Variants in ZNF362 observed in about 807,000 individuals in gnomAD.
The protein encoded by ZNF362 is zinc finger protein 362, also known as rotund homolog.
A neutral mutation model predicts 42.9 loss-of-function variants in ZNF362; 11 were observed. The observed-to-expected ratio is 0.26, with a 90% CI of 0.16 to 0.42. The LOEUF (loss-of-function observed/expected upper bound fraction) is 0.42, where lower values mean the gene tolerates loss of function less well. Ranked by LOEUF, ZNF362 falls within the 20% of genes least tolerant of loss-of-function variation. The pLI is 1.00. For missense variants in ZNF362, 362 were observed against 576.2 expected (o/e 0.63, Z 3.81); for synonymous variants, 255 against 257.3 (o/e 0.99, Z 0.09).
chr1:33,289,626 G>T (rs1020990829), intron 6 of ZNF362, among the ~76,000 whole-genome samples: 2 of 152,192 alleles, frequency 1.3e-5, no homozygotes, highest in Non-Finnish European at 2.9e-5. Flanking sequence ...CCCAGAGCAT[G>T]GAAGTCGCTG....
the ZNF362 span, chr1:33,181,084 G>T: frequency 1.3e-6 from 2 of 1,599,740 alleles, no homozygotes; most frequent in Non-Finnish European, 1.7e-6. This position sits in a 1 kb window ranked among gnomAD's most constrained non-coding sequence, Gnocchi z 6.5. Context: ...TGCAGTGCAG[G>T]CTCGTCGCAG....
At chr1:33,237,900 A>G in the ZNF362 span, among the ~76,000 whole-genome samples, 2 of 152,380 alleles carry the variant, frequency 1.3e-5, no homozygotes, top group South Asian at 2.1e-4. Context: ...TATGAAATCT[A>G]TGAATCACTT....
At chr1:33,129,402 A>C in the ZNF362 span, among the ~76,000 whole-genome samples, 1 of 152,198 alleles carries the variant, frequency 6.6e-6, no homozygotes, top group Non-Finnish European at 1.5e-5. This position sits in a 1 kb window ranked among gnomAD's most constrained non-coding sequence, Gnocchi z 4.1. Flanking sequence ...TCACCAGCTG[A>C]TAAAGGCGGT....
At chr1:33,231,200 C>A in the ZNF362 span, among the ~76,000 whole-genome samples, 27 of 152,264 alleles carry the variant, frequency 1.8e-4, no homozygotes, top group Admixed American at 7.2e-4. Context: ...AGAGATGAGA[C>A]GATTGCTCAG....
At chr1:33,128,712 T>C in the ZNF362 span, among the ~76,000 whole-genome samples, 1 of 152,302 alleles carries the variant, frequency 6.6e-6, no homozygotes, top group African/African-American at 2.4e-5. Flanking sequence ...TTTAATGAAG[T>C]TGGTGAGGTC....
chr1:33,247,024 C>T, the ZNF362 span, among the ~76,000 whole-genome samples: 1 of 152,168 alleles, frequency 6.6e-6, no homozygotes, highest in Non-Finnish European at 1.5e-5. Flanking sequence ...GGAAGGAGGC[C>T]TTGCGATGTC....
chr1:33,138,420 A>T, the ZNF362 span, among the ~76,000 whole-genome samples: 2 of 152,184 alleles, frequency 1.3e-5, no homozygotes, highest in Non-Finnish European at 2.9e-5. Context: ...CCAACACTTT[A>T]AGAAGCTGAG....
At chr1:33,250,035 G>T in the ZNF362 span, among the ~76,000 whole-genome samples, 1 of 152,088 alleles carries the variant, frequency 6.6e-6, no homozygotes, top group Non-Finnish European at 1.5e-5. Context: ...CAAAGGTAAA[G>T]AAGTGAATGG....
the ZNF362 span, among the ~76,000 whole-genome samples, chr1:33,247,913 G>A: frequency 6.6e-6 from 1 of 152,162 alleles, no homozygotes; most frequent in Non-Finnish European, 1.5e-5. Context: ...TGTCTTTTGG[G>A]CACTGTGCTG....
At chr1:33,282,598 G>A (rs967632963) in intron 6 of ZNF362, among the ~76,000 whole-genome samples, 2 of 152,148 alleles carry the variant, frequency 1.3e-5, no homozygotes, top group African/African-American at 4.8e-5. Context: ...GAGGCGGGTG[G>A]ATCACCTGAG....
chr1:33,204,470 C>T, the ZNF362 span, among the ~76,000 whole-genome samples: 17 of 152,046 alleles, frequency 1.1e-4, no homozygotes, highest in Non-Finnish European at 2.4e-4. Context: ...TTTTGTGGTT[C>T]CATACAAATT....
At chr1:33,156,228 TTTC>T in the ZNF362 span, among the ~76,000 whole-genome samples, 1 of 152,196 alleles carries the variant, frequency 6.6e-6, no homozygotes, top group Admixed American at 6.5e-5. Flanking sequence ...ATATGCTGTA[TTTC>T]TTCTATCATA....
rs1195278671 is a variant in ZNF362, at chr1:33,300,689, G to A, written c.*1643G>A. 1 of 152,162 alleles carries A rather than the reference G, an allele frequency of 6.6e-6. No individual in the cohort carries two copies. The highest frequency in any genetic ancestry group is 1.9e-4 in the East Asian group (1 of 5,196). 9.4% of individuals were successfully genotyped at this position (152,162 alleles called of 1,614,324 possible). A position where few individuals can be genotyped will look rare whatever the true frequency, so the allele number is the denominator to read the frequency against. On this transcript the variant is annotated 3_prime_UTR_variant, in exon 9 of 9. Transcript: ENST00000539719. The stretch of plus-strand genomic sequence containing the variant: ...AACCCTCTGCTCTTTGTATTTCTCT[G>A]TTGTGAAGAATAAACTGTACCTGCA...
chr1:33,281,504 A>G lies in ZNF362; in HGVS notation c.684-83A>G. 7.4e-7 allele frequency: 1 copy of G among 1,343,686 alleles called. No homozygotes were observed. Among genetic ancestry groups the G allele is most frequent in the Non-Finnish European group, 1.1e-6 (1 of 947,840 alleles). 83.2% of individuals were successfully genotyped at this position (1,343,686 alleles called of 1,614,324 possible). ...CACAGGAAAGACCTGTCCCAGGTGC[A>G]AGGTCTCTCTGATGTAGAAGGCCTC... is the stretch of plus-strand genomic sequence containing the variant. On this transcript the variant is annotated intron_variant, in intron 5 of 8. Coordinates refer to ENST00000539719, the MANE Select transcript of ZNF362 (RefSeq NM_152493.3). The surrounding 1 kb of genome is among the most constrained non-coding windows in gnomAD (Gnocchi z 4.8).
rs547258350 is a variant in ZNF362, at chr1:33,257,500, C to T, written c.-89+846C>T. On this transcript the variant is annotated intron_variant, in intron 1 of 8. Transcript: ENST00000539719. Reference sequence around the variant, plus strand: ...GGCCCATTTCTCCCCCAGCCAGCTGCCTTTGCAGGATTTTTGGGAAAAGTT... The same window carrying T: ...GGCCCATTTCTCCCCCAGCCAGCTGTCTTTGCAGGATTTTTGGGAAAAGTT... Among the ~76,000 whole-genome samples the T allele has an allele frequency of 8.2e-4, 124 of 150,880 alleles. 1 individual carries two copies. The highest frequency in any genetic ancestry group is 3.8e-3 in the South Asian group (18 of 4,788).
At chr1:33,288,375 G>C (rs1646046804) in intron 6 of ZNF362, among the ~76,000 whole-genome samples, 1 of 152,196 alleles carries the variant, frequency 6.6e-6, no homozygotes. Flanking sequence ...GACTGGGACA[G>C]TGGGGGGTGA....
Position 33,281,808 on chromosome 1 carries a change from C to T in ZNF362, c.905C>T (p.Thr302Ile). ...FRQLSHLQQHTRIHTGDRPYK... is the reference protein window; with the variant it reads ...FRQLSHLQQHIRIHTGDRPYK... ...CAGCTCTCCCACCTCCAGCAGCACA[C>T]CAGGTGAGTGGCCTGCCTGCTGCCC... The change falls in exon 6 of 9, where the codon ACC becomes ATC. Residue 302 changes from threonine to isoleucine, a missense_variant. Coordinates refer to ENST00000539719, the MANE Select transcript of ZNF362 (RefSeq NM_152493.3). The surrounding 1 kb of genome is among the most constrained non-coding windows in gnomAD (Gnocchi z 4.8). 1 of 1,614,066 alleles carries T rather than the reference C, an allele frequency of 6.2e-7. No homozygotes were observed. The highest frequency in any genetic ancestry group is 8.5e-7 in the Non-Finnish European group (1 of 1,179,948).
chr1:33,238,096 G>T, the ZNF362 span, among the ~76,000 whole-genome samples: 1 of 152,110 alleles, frequency 6.6e-6, no homozygotes, highest in African/African-American at 2.4e-5. Context: ...AAGGCAGGTG[G>T]ATCAGAGGTC....
At chr1:33,220,329 A>G in the ZNF362 span, among the ~76,000 whole-genome samples, 2 of 152,120 alleles carry the variant, frequency 1.3e-5, no homozygotes, top group Non-Finnish European at 2.9e-5. Context: ...ATTGCTTACC[A>G]TATGCTGGGC....
Sources: allele counts gnomAD v4.1 joint callset (sites outside exome capture counted in the v4.1 genomes callset), GRCh38; gene constraint gnomAD v4.1.1; non-coding constraint Gnocchi (gnomAD v3.1); transcripts MANE v1.5; gene names NCBI Gene and HGNC (gene_info 2026-07-23, HGNC 2026-07-21).